CDH1: variants seen among roughly 807,000 people sequenced by gnomAD.
CDH1 encodes cadherin 1.
Under a neutral mutation model 84.5 loss-of-function variants are expected in CDH1, and 35 were observed. That is an observed-to-expected ratio of 0.41 (90% CI 0.32 to 0.55). CDH1 has a LOEUF of 0.55. Among genes scored for constraint, CDH1 ranks in the 20% least tolerant of loss-of-function variants. The pLI is 0.19. For missense variants in CDH1, 994 were observed against 1,126.6 expected (o/e 0.88, Z 1.68); for synonymous variants, 417 against 439.0 (o/e 0.95, Z 0.63).
chr16:68,833,111 G>C (rs781771794), intron 15 of CDH1, among the ~76,000 whole-genome samples, 179 bp from the exon 16 acceptor site: 3 of 152,142 alleles, frequency 2.0e-5, no homozygotes, highest in Non-Finnish European at 4.4e-5. Flanking sequence ...AACATATCCT[G>C]TGCTTCTGCA....
chr16:68,824,634 C>G (rs1164833250), intron 13 of CDH1, among the ~76,000 whole-genome samples: 1 of 152,032 alleles, frequency 6.6e-6, no homozygotes, highest in Non-Finnish European at 1.5e-5. Context: ...GTGTCAATGA[C>G]TAAAAGGATA....
intron 2 of CDH1, among the ~76,000 whole-genome samples, chr16:68,743,866 G>A (rs981788664): frequency 2.0e-5 from 3 of 152,218 alleles, no homozygotes; most frequent in African/African-American, 7.2e-5. Flanking sequence ...TTCCCCACCT[G>A]TAAAATGGGG....
chr16:68,832,682 T>G (rs1261016072), intron 15 of CDH1, among the ~76,000 whole-genome samples: 2 of 151,968 alleles, frequency 1.3e-5, no homozygotes, highest in Non-Finnish European at 1.5e-5. Flanking sequence ...TAGCCGGGCA[T>G]GGTGGCGCAT....
At chr16:68,781,121 G>T (rs1959866461) in intron 2 of CDH1, among the ~76,000 whole-genome samples, 1 of 152,164 alleles carries the variant, frequency 6.6e-6, no homozygotes, top group African/African-American at 2.4e-5. Context: ...TGACCACCCT[G>T]TCCCCACTCC....
rs1064793864 is a variant in CDH1, at chr16:68,813,454, A to G, written c.1279A>G (p.Thr427Ala). The change falls in exon 9 of 16, where the codon ACA becomes GCA. Residue 427 changes from threonine (T) to alanine (A), a missense_variant. This residue lies in a region of CDH1 where 769 missense variants were observed against 881.8 expected (regional missense o/e 0.87). Coordinates refer to ENST00000261769, the MANE Select transcript of CDH1 (RefSeq NM_004360.5). ...NDDGGQFVVT[T>A]NPVNNDGILK... ...TGATGGTGGACAATTTGTCGTCACC[A>G]CAAATCCAGTGAACAACGATGGCAT... is the stretch of plus-strand genomic sequence containing the variant. The G allele has an allele frequency of 1.2e-6, 2 of 1,614,104 alleles. No homozygotes were observed. The highest frequency in any genetic ancestry group is 2.7e-5 in the African/African-American group (2 of 74,938).
At chr16:68,812,048 A>G in intron 7 of CDH1, 87 bp from the exon 8 acceptor site, 1 of 1,596,046 alleles carries the variant, frequency 6.3e-7, no homozygotes, top group Non-Finnish European at 8.6e-7. Flanking sequence ...ACATGGTTAA[A>G]TATTCTGGTT....
chr16:68,789,940 C>T (rs1960163813), intron 2 of CDH1, among the ~76,000 whole-genome samples: 2 of 152,182 alleles, frequency 1.3e-5, no homozygotes, highest in African/African-American at 2.4e-5. Context: ...CCTGTAATCC[C>T]ATCTACTCGG....
rs1335776920 is a variant in CDH1, at chr16:68,834,335, T to C, written c.*836T>C. Reference sequence around the variant, plus strand: ...TGGGATGCAGTGATGTGATCATAGCTCACTGTAACCTCAAACTCTGGGGCT... The same window carrying C: ...TGGGATGCAGTGATGTGATCATAGCCCACTGTAACCTCAAACTCTGGGGCT... On this transcript the variant is annotated 3_prime_UTR_variant, in exon 16 of 16. Coordinates refer to ENST00000261769, the MANE Select transcript of CDH1 (RefSeq NM_004360.5). 3.0e-5 allele frequency: 15 copies of C among 495,690 alleles called. No homozygotes were observed. The highest frequency in any genetic ancestry group is 5.9e-5 in the Non-Finnish European group (15 of 252,684). The allele number at this position is 495,690 out of a possible 1,614,324, so 30.7% of individuals were successfully genotyped here. A position where few individuals can be genotyped will look rare whatever the true frequency, so the allele number is the denominator to read the frequency against.
rs375696314 is a variant in CDH1 at position 68,746,836 on chromosome 16, C to T, written c.163+8425C>T. 1.2e-4 allele frequency among the ~76,000 whole-genome samples: 19 copies of T among 152,278 alleles called. 1 individual carries two copies. Among genetic ancestry groups the T allele is most frequent in the African/African-American group, 4.1e-4 (17 of 41,556 alleles). On this transcript the variant is annotated intron_variant, in intron 2 of 15. Transcript: ENST00000261769. ...TGGTGGTGCATGCCTGTAATCCCAG[C>T]TACTTGGGAGGCCGAGGCAGGAGAA...
At chr16:68,775,949 A>G (rs2152121361) in intron 2 of CDH1, among the ~76,000 whole-genome samples, 1 of 152,182 alleles carries the variant, frequency 6.6e-6, no homozygotes, top group East Asian at 1.9e-4. Flanking sequence ...AAGATTGTCA[A>G]AAGTCCTCAA....
intron 2 of CDH1, among the ~76,000 whole-genome samples, chr16:68,746,249 C>G (rs1477062666): frequency 6.6e-6 from 1 of 151,978 alleles, no homozygotes; most frequent in African/African-American, 2.4e-5. Context: ...CGTGGTGAAA[C>G]CCCATCTCTA....
At chr16:68,822,809 C>T (rs1410812250) in intron 12 of CDH1, 2 of 244,942 alleles carry the variant, frequency 8.2e-6, no homozygotes, top group Non-Finnish European at 1.6e-5. Context: ...GTGTGGCGGC[C>T]GCACTGTCTT....
intron 2 of CDH1, among the ~76,000 whole-genome samples, chr16:68,750,049 C>A (rs1212246437): frequency 6.6e-6 from 1 of 151,128 alleles, no homozygotes; most frequent in Non-Finnish European, 1.5e-5. Flanking sequence ...TGGGCTCAAG[C>A]AATCCTCCCA....
At chr16:68,805,112 G>T (rs1960623924) in intron 3 of CDH1, among the ~76,000 whole-genome samples, 1 of 150,236 alleles carries the variant, frequency 6.7e-6, no homozygotes, top group Non-Finnish European at 1.5e-5. Flanking sequence ...ATCTTATTTG[G>T]GTGAGTTTTC....
At chr16:68,827,737 G>A (rs577873154) in intron 13 of CDH1, among the ~76,000 whole-genome samples, 3 of 151,698 alleles carry the variant, frequency 2.0e-5, no homozygotes, top group Non-Finnish European at 4.4e-5. Flanking sequence ...TGTCCCTCCC[G>A]CCCTGCTTGC....
Position 68,808,567 on chromosome 16 carries a change from G to A in CDH1, c.531G>A (p.Gln177=), listed in dbSNP as rs876659103. 1 of 1,614,154 alleles carries A rather than the reference G, an allele frequency of 6.2e-7. No homozygotes were observed. Among genetic ancestry groups the A allele is most frequent in the South Asian group, 1.1e-5 (1 of 91,082 alleles). ...GCCCATTTCCTAAAAACCTGGTTCAGGTAGAGAAAGAAGTTCTCTGTTTCT... is the reference window on the plus strand; with the variant it reads ...GCCCATTTCCTAAAAACCTGGTTCAAGTAGAGAAAGAAGTTCTCTGTTTCT... ...EKGPFPKNLV[Q]IKSNKDKEGK... is the part of the protein sequence containing the mutation. The change falls in exon 4 of 16, where the codon CAG becomes CAA. Residue 177 remains glutamine, a splice_region_variant and synonymous_variant. Coordinates refer to ENST00000261769, the MANE Select transcript of CDH1 (RefSeq NM_004360.5).
At position 68,815,672 on chromosome 16, in the gene CDH1, T is replaced by G. The variant is rs786202407; in HGVS notation, c.1478T>G (p.Val493Gly). ...ATCTTTGTGCCTCCTGAAAAGAGAG[T>G]GGAAGTGTCCGAGGACTTTGGCGTG... ...APIFVPPEKRVEVSEDFGVGQ... is the reference protein window; with the variant it reads ...APIFVPPEKRGEVSEDFGVGQ... Residue 493 changes from valine to glycine, a missense_variant, in exon 10 of 16, where the codon GTG becomes GGG. Transcript: ENST00000261769. 1 of 1,614,010 alleles carries G rather than the reference T, an allele frequency of 6.2e-7. No homozygotes were observed. Among genetic ancestry groups the G allele is most frequent in the African/African-American group, 1.3e-5 (1 of 74,902 alleles).
chr16:68,800,502 A>G (rs1370960544), intron 2 of CDH1, among the ~76,000 whole-genome samples: 1 of 152,208 alleles, frequency 6.6e-6, no homozygotes, highest in Non-Finnish European at 1.5e-5. Flanking sequence ...GGATGGCTTC[A>G]AGGGCTTTCT....
chr16:68,754,539 TGTGTCATGCACACAGGA>T (rs1269176954), intron 2 of CDH1, among the ~76,000 whole-genome samples: 5 of 152,220 alleles, frequency 3.3e-5, no homozygotes, highest in Admixed American at 3.3e-4. Flanking sequence ...TGCACACAGG[TGTGTCATGCACACAGGA>T]AGTGGGAGAG....
Sources: allele counts gnomAD v4.1 joint callset (sites outside exome capture counted in the v4.1 genomes callset), GRCh38; gene constraint gnomAD v4.1.1; regional missense constraint gnomAD v4.1.1; transcripts MANE v1.5; gene names NCBI Gene and HGNC (gene_info 2026-07-23, HGNC 2026-07-21).